The following PHEX variants were observed in gnomAD, a reference collection of about 807,000 sequenced individuals.
The protein encoded by PHEX is phosphate-regulating neutral endopeptidase PHEX.
Under a neutral mutation model 68.0 loss-of-function variants are expected in PHEX, and 16 were observed. The ratio of observed to expected loss-of-function variants is 0.24; its 90% CI spans 0.16 to 0.36. The LOEUF is 0.36. Among genes scored for constraint, PHEX ranks in the 10% least tolerant of loss-of-function variants. The pLI, the probability that PHEX is intolerant of heterozygous loss-of-function variation, is 1.00. For missense variants in PHEX, 480 were observed against 575.5 expected, an observed-to-expected ratio of 0.83 and a Z score of 1.70; for synonymous variants, 208 against 205.1, an observed-to-expected ratio of 1.01 and a Z score of -0.12.
intron 3 of PHEX, among the ~76,000 whole-genome samples, chrX:22,070,177 A>T (rs55851996): frequency 0.041 from 4,574 of 111,271 alleles, 242 homozygotes; most frequent in African/African-American, 0.14. Flanking sequence ...AATAAGTTTT[A>T]AAAAAAATCT....
chrX:22,071,420 A>G (rs746276393), intron 3 of PHEX, among the ~76,000 whole-genome samples: 2 of 111,530 alleles, frequency 1.8e-5, no homozygotes, highest in East Asian at 5.6e-4. Flanking sequence ...AGCTTCTCAT[A>G]GTTCTTTTTC....
chrX:22,235,640 A>G (rs538640433), intron 20 of PHEX, among the ~76,000 whole-genome samples: 6 of 111,666 alleles, frequency 5.4e-5, no homozygotes, highest in African/African-American at 2.0e-4. Flanking sequence ...CCAAAGGCCC[A>G]ACTCCTAATG....
chrX:22,117,705 G>A (rs771054599), intron 11 of PHEX, among the ~76,000 whole-genome samples: 16 of 111,167 alleles, frequency 1.4e-4, no homozygotes, highest in Non-Finnish European at 2.6e-4. Flanking sequence ...TTGTGTCAGG[G>A]TATGACATTC....
At position 22,047,080 on chromosome X, in the gene PHEX, C is replaced by T. The variant is rs1927569659; in HGVS notation, c.218C>T (p.Ser73Phe). The change falls in exon 3 of 22, where the codon TCT becomes TTT. Residue 73 changes from serine (S) to phenylalanine (F), a missense_variant. By Grantham distance (155) the Ser-to-Phe change is radical (BLOSUM62 -2). Coordinates refer to ENST00000379374, the MANE Select transcript of PHEX (RefSeq NM_000444.6). The part of the protein sequence containing the change: ...AAAILSKVNL[S>F]VDPCDNFFRF... Reference sequence around the variant, plus strand: ...GCCATCTTAAGTAAAGTAAATCTGTCTGTGGATCCTTGTGATAATTTCTTC... The same window carrying T: ...GCCATCTTAAGTAAAGTAAATCTGTTTGTGGATCCTTGTGATAATTTCTTC... The T allele has an allele frequency of 5.8e-6, 7 of 1,209,020 alleles. No individual in the cohort carries two copies. In the East Asian group the frequency reaches 2.1e-4, roughly 36 times the overall value.
intron 11 of PHEX, among the ~76,000 whole-genome samples, chrX:22,114,884 G>A (rs748545431): frequency 9.0e-6 from 1 of 111,349 alleles, no homozygotes; most frequent in Admixed American, 9.6e-5. Flanking sequence ...TCCAGATGTA[G>A]GTGAGGTTTG....
rs1198426834 is a variant in PHEX, at chrX:22,249,455, A to AATATATATATATATATATATAT, written c.*1513_*1534dup. On this transcript the variant is annotated 3_prime_UTR_variant, in exon 22 of 22. Transcript: ENST00000379374. ...TTGTGATTCTTTTAAAAAAAAAAAA[A>AATATATATATATATATATATAT]ATATATATATATATATATATATATA... 2.3e-4 allele frequency: 9 copies of AATATATATATATATATATATAT among 39,746 alleles called. No individual in the cohort carries two copies. Among genetic ancestry groups the AATATATATATATATATATATAT allele is most frequent in the African/African-American group, 3.3e-4 (2 of 6,007 alleles). 3.3% of individuals were successfully genotyped at this position (39,746 alleles called of 1,213,427 possible).
chrX:22,121,043 A>G (rs1240515192), intron 11 of PHEX, among the ~76,000 whole-genome samples: 1 of 112,040 alleles, frequency 8.9e-6, no homozygotes, highest in Non-Finnish European at 1.9e-5. Flanking sequence ...CTTTATTCAT[A>G]TATCTCATCT....
At chrX:22,175,974 C>G (rs1471480161) in intron 13 of PHEX, among the ~76,000 whole-genome samples, 1 of 111,405 alleles carries the variant, frequency 9.0e-6, no homozygotes, top group East Asian at 2.8e-4. Context: ...GTGGACACAT[C>G]TTTTAACCAT....
At chrX:22,055,174 C>CAAAAAAAAAAAACAAAAAAAAAAA (rs1928024532) in intron 3 of PHEX, among the ~76,000 whole-genome samples, 1 of 66,089 alleles carries the variant, frequency 1.5e-5, no homozygotes, top group African/African-American at 4.9e-5. Flanking sequence ...GACTCCAGCT[C>CAAAAAAAAAAAACAAAAAAAAAAA]AAAAAAAAAA....
chrX:22,112,623 A>G (rs1345539132), intron 10 of PHEX, among the ~76,000 whole-genome samples: 1 of 111,465 alleles, frequency 9.0e-6, no homozygotes, highest in Non-Finnish European at 1.9e-5. Flanking sequence ...AAGTTACTTT[A>G]GGGCTGGGTG....
intron 18 of PHEX, among the ~76,000 whole-genome samples, chrX:22,224,264 T>G (rs146725064): frequency 0.025 from 2,763 of 111,963 alleles, 36 homozygotes; most frequent in Middle Eastern, 0.065. Context: ...ATTACAGGTG[T>G]GAGCCACCGC....
At chrX:22,203,843 A>T (rs1301440095) in intron 15 of PHEX, among the ~76,000 whole-genome samples, 1 of 112,173 alleles carries the variant, frequency 8.9e-6, no homozygotes, top group East Asian at 2.8e-4. Flanking sequence ...TGTTACATGC[A>T]TGGTGTTGAT....
chrX:22,191,076 G>A (rs1284919698), intron 15 of PHEX, among the ~76,000 whole-genome samples: 1 of 111,928 alleles, frequency 8.9e-6, no homozygotes, highest in Non-Finnish European at 1.9e-5. Context: ...CTGGAGTTCA[G>A]TGGTACGATC....
intron 13 of PHEX, among the ~76,000 whole-genome samples, chrX:22,169,043 T>C (rs1933433650): frequency 8.9e-6 from 1 of 112,113 alleles, no homozygotes; most frequent in African/African-American, 3.2e-5. Flanking sequence ...TTCTTCCTCA[T>C]TTAAAAAAAC....
intron 8 of PHEX, among the ~76,000 whole-genome samples, chrX:22,097,472 G>A (rs989716428): frequency 8.9e-6 from 1 of 111,866 alleles, no homozygotes; most frequent in Non-Finnish European, 1.9e-5. Context: ...GGAAGAAGGT[G>A]AAAGGGCCAG....
intron 3 of PHEX, among the ~76,000 whole-genome samples, chrX:22,049,270 G>A (rs1355764266): frequency 9.1e-6 from 1 of 110,183 alleles, no homozygotes; most frequent in Non-Finnish European, 1.9e-5. Flanking sequence ...TTGCCACCAC[G>A]CCTGGCTAAT....
chrX:22,072,169 A>G (rs1439614948), intron 3 of PHEX, among the ~76,000 whole-genome samples: 1 of 112,016 alleles, frequency 8.9e-6, no homozygotes, highest in Non-Finnish European at 1.9e-5. Flanking sequence ...CGGAGGTTGC[A>G]GTGAGCTGAG....
intron 8 of PHEX, 38 bp downstream of exon 8, chrX:22,097,076 A>C: frequency 7.5e-6 from 7 of 938,065 alleles, no homozygotes; most frequent in Middle Eastern, 2.6e-4. Flanking sequence ...CTCTCAACTC[A>C]TCATTTTAGA....
In PHEX at chrX:22,229,513, CAT is replaced by C. The variant is rs759067657; in HGVS notation, c.2070+1905_2070+1906del. Among the ~76,000 whole-genome samples, 451 of 112,428 alleles carry C rather than the reference CAT, an allele frequency of 4.0e-3. 2 individuals carry two copies. The highest frequency in any genetic ancestry group is 0.014 in the African/African-American group (432 of 30,990). On this transcript the variant is annotated intron_variant, in intron 20 of 21. Transcript: ENST00000379374. ...ACCAGTGATGATAATGAGCATTTTT[CAT>C]ATGTTTGTTGGCTGCATAAATGTCT...
Sources: allele counts gnomAD v4.1 joint callset (sites outside exome capture counted in the v4.1 genomes callset), GRCh38; gene constraint gnomAD v4.1.1; transcripts MANE v1.5; gene names NCBI Gene and HGNC (gene_info 2026-07-23, HGNC 2026-07-21).